The following MCTP1 variants were observed in gnomAD, a reference collection of about 807,000 sequenced individuals.
MCTP1 encodes the protein multiple C2 and transmembrane domain containing 1.
In MCTP1, 69 loss-of-function variants were observed where a neutral mutation model predicts 120.6. That is an observed-to-expected ratio of 0.57 (90% CI 0.47 to 0.70). The LOEUF is 0.70. Ranked by LOEUF, MCTP1 falls within the 30% of genes least tolerant of loss-of-function variation. The pLI is 0.00. For missense variants in MCTP1, 1,203 were observed against 1,248.8 expected (o/e 0.96, Z 0.55); for synonymous variants, 529 against 493.1 (o/e 1.07, Z -0.96).
At chr5:94,832,642 A>G (rs1423486723) in intron 17 of MCTP1, among the ~76,000 whole-genome samples, 1 of 133,814 alleles carries the variant, frequency 7.5e-6, no homozygotes, top group Non-Finnish European at 1.7e-5. Flanking sequence ...ACACACACAC[A>G]CACACTTCCC....
intron 19 of MCTP1, among the ~76,000 whole-genome samples, chr5:94,747,747 A>G (rs1187167179): frequency 6.6e-6 from 1 of 151,986 alleles, no homozygotes; most frequent in Non-Finnish European, 1.5e-5. Flanking sequence ...GTCTTTAACT[A>G]TTATACTAAC....
intron 17 of MCTP1, among the ~76,000 whole-genome samples, chr5:94,847,973 A>C (rs1484504959): frequency 1.3e-5 from 2 of 152,004 alleles, no homozygotes; most frequent in Non-Finnish European, 2.9e-5. Flanking sequence ...TGATCTCTTG[A>C]GACTGCAGGT....
At chr5:95,090,994 G>C (rs191235885) in intron 1 of MCTP1, among the ~76,000 whole-genome samples, 1 of 152,288 alleles carries the variant, frequency 6.6e-6, no homozygotes, top group African/African-American at 2.4e-5. Flanking sequence ...TGTAGCCCCT[G>C]CCCACAAGGG....
At chr5:95,213,387 T>C (rs557965244) in intron 1 of MCTP1, among the ~76,000 whole-genome samples, 3,473 of 152,220 alleles carry the variant, frequency 0.023, 56 homozygotes, top group African/African-American at 0.043. Flanking sequence ...TGGAAGAACA[T>C]TCCATGCTCA....
In MCTP1 at chr5:95,041,708, T is replaced by C. The variant is rs1290187078; in HGVS notation, c.721-24224A>G. Among the ~76,000 whole-genome samples the C allele has an allele frequency of 2.0e-5, 3 of 152,162 alleles. No individual in the cohort carries two copies. In the East Asian group the frequency reaches 5.8e-4, roughly 29 times the overall value. Reference sequence around the variant, plus strand: ...GGGTTTATAATTAGTAAATAGAATATAGTCATACATACTGCCTTTATATCA... The same window carrying C: ...GGGTTTATAATTAGTAAATAGAATACAGTCATACATACTGCCTTTATATCA... On this transcript the variant is annotated intron_variant, in intron 1 of 22. Transcript: ENST00000515393.
At chr5:95,188,619 T>C (rs367984267) in intron 1 of MCTP1, among the ~76,000 whole-genome samples, 57 of 152,304 alleles carry the variant, frequency 3.7e-4, no homozygotes, top group African/African-American at 1.2e-3. Flanking sequence ...TCCGTTTAAA[T>C]AGCATTCTTG....
chr5:94,839,073 C>A (rs1174359999), intron 17 of MCTP1, among the ~76,000 whole-genome samples: 4 of 152,130 alleles, frequency 2.6e-5, no homozygotes, highest in Non-Finnish European at 5.9e-5. Flanking sequence ...ATTAATCAAC[C>A]AACCAACCAA....
chr5:94,993,245 A>G (rs1306680056), intron 2 of MCTP1, among the ~76,000 whole-genome samples: 1 of 152,214 alleles, frequency 6.6e-6, no homozygotes, highest in Non-Finnish European at 1.5e-5. Context: ...TCAGCAGTCT[A>G]CACTTTAAAA....
chr5:94,822,683 A>T (rs1785952978), intron 17 of MCTP1, among the ~76,000 whole-genome samples: 1 of 152,194 alleles, frequency 6.6e-6, no homozygotes, highest in Admixed American at 6.5e-5. Context: ...ACAGTGTAAA[A>T]GTGTTCTTAT....
chr5:95,047,093 T>G (rs774955266), intron 1 of MCTP1, among the ~76,000 whole-genome samples: 1 of 152,200 alleles, frequency 6.6e-6, no homozygotes, highest in Non-Finnish European at 1.5e-5. Context: ...TCTTATAACC[T>G]AAAGTGCTAT....
chr5:94,898,591 G>A (rs577981805), intron 10 of MCTP1, among the ~76,000 whole-genome samples: 42 of 152,176 alleles, frequency 2.8e-4, no homozygotes, highest in Non-Finnish European at 5.1e-4. Context: ...CCTGAACAAA[G>A]GGAGGTTTCA....
intron 19 of MCTP1, among the ~76,000 whole-genome samples, chr5:94,729,110 G>A (rs1017282737): frequency 2.6e-5 from 4 of 152,108 alleles, no homozygotes; most frequent in African/African-American, 9.7e-5. Context: ...CTGCTCTAAT[G>A]ATAAAACTCT....
chr5:94,809,341 C>A (rs948026975), intron 17 of MCTP1, among the ~76,000 whole-genome samples: 1 of 151,882 alleles, frequency 6.6e-6, no homozygotes, highest in African/African-American at 2.4e-5. Context: ...TTTGAGAACA[C>A]TGACAACTCC....
intron 17 of MCTP1, among the ~76,000 whole-genome samples, chr5:94,831,466 A>AT (rs1239472323): frequency 6.6e-6 from 1 of 152,196 alleles, no homozygotes; most frequent in Non-Finnish European, 1.5e-5. Context: ...TTTGCAAAAG[A>AT]TTTTTTTATA....
At chr5:94,774,208 A>C (rs1215792526) in intron 19 of MCTP1, among the ~76,000 whole-genome samples, 1 of 12,810 alleles carries the variant, frequency 7.8e-5, no homozygotes. Flanking sequence ...ACTCCGTCTC[A>C]AAAAAAAAAA....
chr5:94,978,720 C>T (rs1349648887), intron 2 of MCTP1, among the ~76,000 whole-genome samples: 1 of 152,026 alleles, frequency 6.6e-6, no homozygotes, highest in Non-Finnish European at 1.5e-5. Flanking sequence ...TGGGGTGTTT[C>T]CAGTCAATGG....
chr5:94,812,454 C>T (rs535007679), intron 17 of MCTP1, among the ~76,000 whole-genome samples: 65 of 72,768 alleles, frequency 8.9e-4, no homozygotes, highest in Non-Finnish European at 1.6e-3. Context: ...GTCAGGGATA[C>T]GAAAAAAAAA....
At chr5:95,274,122 C>T (rs902224311) in intron 1 of MCTP1, among the ~76,000 whole-genome samples, 1 of 152,174 alleles carries the variant, frequency 6.6e-6, no homozygotes, top group African/African-American at 2.4e-5. Flanking sequence ...CTGGCCACAC[C>T]TTCACTCTCA....
At chr5:95,158,255 ATATCATTCATT>A (rs1368794730) in intron 1 of MCTP1, among the ~76,000 whole-genome samples, 1 of 152,194 alleles carries the variant, frequency 6.6e-6, no homozygotes, top group Non-Finnish European at 1.5e-5. Context: ...TCATCATCAC[ATATCATTCATT>A]TATTGTAAAT....
Sources: allele counts gnomAD v4.1 joint callset (sites outside exome capture counted in the v4.1 genomes callset), GRCh38; gene constraint gnomAD v4.1.1; transcripts MANE v1.5; gene names NCBI Gene and HGNC (gene_info 2026-07-23, HGNC 2026-07-21).